JAKMIP2: variants seen among roughly 807,000 people sequenced by gnomAD.
The protein encoded by JAKMIP2 is janus kinase and microtubule-interacting protein 2.
Under a neutral mutation model 115.0 loss-of-function variants are expected in JAKMIP2, and 25 were observed. The observed-to-expected ratio is 0.22, with a 90% CI of 0.16 to 0.30. The LOEUF (loss-of-function observed/expected upper bound fraction) is 0.30. JAKMIP2 is among the 10% of genes least tolerant of loss of function. The pLI, the probability that JAKMIP2 is intolerant of heterozygous loss-of-function variation, is 1.00. For missense variants in JAKMIP2, 642 were observed against 957.6 expected, an observed-to-expected ratio of 0.67 and a Z score of 4.35; for synonymous variants, 334 against 343.6, an observed-to-expected ratio of 0.97 and a Z score of 0.31.
chr5:147,608,317 A>C (rs1461746278), intron 20 of JAKMIP2, among the ~76,000 whole-genome samples: 7 of 152,204 alleles, frequency 4.6e-5, no homozygotes, highest in African/African-American at 1.4e-4. Context: ...ATTTAGTGCT[A>C]TAAATTTCCC....
intron 1 of JAKMIP2, among the ~76,000 whole-genome samples, chr5:147,684,150 T>C (rs1015401716): frequency 1.3e-5 from 2 of 152,126 alleles, no homozygotes; most frequent in African/African-American, 2.4e-5. Context: ...CGTATCCACA[T>C]AGGCCAAATT....
At chr5:147,675,043 C>T (rs182469592) in intron 1 of JAKMIP2, among the ~76,000 whole-genome samples, 1 of 152,288 alleles carries the variant, frequency 6.6e-6, no homozygotes, top group East Asian at 1.9e-4. Flanking sequence ...GAACATTCTT[C>T]TCTCCCATTG....
chr5:147,622,862 A>G (rs1233902469), intron 17 of JAKMIP2, among the ~76,000 whole-genome samples: 12 of 152,120 alleles, frequency 7.9e-5, no homozygotes, highest in Admixed American at 7.9e-4. Context: ...CCAGTTTTAC[A>G]TTCCCATCAA....
At chr5:147,750,222 C>A (rs765419603) in intron 1 of JAKMIP2, among the ~76,000 whole-genome samples, 4 of 152,108 alleles carry the variant, frequency 2.6e-5, no homozygotes, top group African/African-American at 9.7e-5. Flanking sequence ...ATAAAACACT[C>A]ACTTGGGAAA....
intron 2 of JAKMIP2, among the ~76,000 whole-genome samples, chr5:147,668,131 C>T (rs1305954397): frequency 6.6e-6 from 1 of 152,132 alleles, no homozygotes; most frequent in East Asian, 1.9e-4. Flanking sequence ...AAGGGCTGTG[C>T]CAATGGGACA....
chr5:147,603,573 C>A (rs1753432792), intron 20 of JAKMIP2, among the ~76,000 whole-genome samples: 1 of 152,178 alleles, frequency 6.6e-6, no homozygotes, highest in South Asian at 2.1e-4. Flanking sequence ...GTGAGGAGAA[C>A]TGAAGTCCAA....
intron 3 of JAKMIP2, among the ~76,000 whole-genome samples, chr5:147,654,908 C>T (rs113590956): frequency 0.013 from 2,001 of 151,726 alleles, 53 homozygotes; most frequent in African/African-American, 0.046. Flanking sequence ...AATTTTTAAC[C>T]TGAAGGGATG....
chr5:147,588,106 A>G lies in JAKMIP2; in HGVS notation c.*3601T>C, dbSNP rs1754949251. 6.6e-6 allele frequency: 1 copy of G among 152,186 alleles called. No individual in the cohort carries two copies. 9.4% of individuals were successfully genotyped at this position (152,186 alleles called of 1,614,324 possible). On this transcript the variant is annotated 3_prime_UTR_variant, in exon 22 of 22. Coordinates refer to ENST00000616793, the MANE Select transcript of JAKMIP2 (RefSeq NM_001270941.2). ...GGGTGGCATTAAAGAAAAGTTTGAC[A>G]TTCAATTTAGTAATAGATGCTTTTT...
chr5:147,622,705 C>T (rs1756909308), intron 17 of JAKMIP2, among the ~76,000 whole-genome samples: 3 of 152,170 alleles, frequency 2.0e-5, no homozygotes, highest in Admixed American at 2.0e-4. Context: ...AATAATGCTG[C>T]TATGAACATG....
intron 1 of JAKMIP2, among the ~76,000 whole-genome samples, chr5:147,756,141 G>A (rs1268941943): frequency 1.3e-5 from 2 of 152,118 alleles, no homozygotes; most frequent in Non-Finnish European, 2.9e-5. Flanking sequence ...TGACTATAAT[G>A]AATTAAATGG....
intron 14 of JAKMIP2, 93 bp from the exon 15 acceptor site, chr5:147,629,839 G>T: frequency 2.2e-6 from 2 of 928,390 alleles, no homozygotes; most frequent in Non-Finnish European, 1.7e-6. Context: ...ACATTTTAGG[G>T]CCTGAACTTC....
chr5:147,647,286 T>G (rs1394296048), intron 5 of JAKMIP2, among the ~76,000 whole-genome samples: 1 of 152,002 alleles, frequency 6.6e-6, no homozygotes. Flanking sequence ...ATTAGAAAAA[T>G]TTTTGAATGA....
At chr5:147,632,821 C>G (rs765429519) in intron 12 of JAKMIP2, 43 bp from the exon 13 acceptor site, 1 of 1,272,448 alleles carries the variant, frequency 7.9e-7, no homozygotes, top group African/African-American at 1.5e-5. Flanking sequence ...TTGAGAAAAG[C>G]ACCTACAACT....
chr5:147,671,542 T>C, intron 2 of JAKMIP2, 136 bp downstream of exon 2: 1 of 578,766 alleles, frequency 1.7e-6, no homozygotes. Flanking sequence ...GCTCTCCATG[T>C]TTACAGGGGA....
At chr5:147,727,858 T>C (rs1009691512) in intron 1 of JAKMIP2, among the ~76,000 whole-genome samples, 6 of 115,682 alleles carry the variant, frequency 5.2e-5, no homozygotes, top group East Asian at 4.3e-4. Flanking sequence ...GTAGACTTAA[T>C]TGTTTTTCTC....
intron 1 of JAKMIP2, among the ~76,000 whole-genome samples, chr5:147,742,036 A>G (rs1251074691): frequency 1.3e-5 from 2 of 151,296 alleles, no homozygotes; most frequent in African/African-American, 2.4e-5. Context: ...CTAGTGTAAT[A>G]TTATTTATAT....
At chr5:147,743,354 G>T (rs143210771) in intron 1 of JAKMIP2, among the ~76,000 whole-genome samples, 2 of 152,286 alleles carry the variant, frequency 1.3e-5, no homozygotes, top group East Asian at 3.9e-4. Flanking sequence ...GATGGTACTT[G>T]AATAGTAGTA....
In JAKMIP2 at chr5:147,671,900, C is replaced by A; in HGVS notation, c.-94G>T. The A allele has an allele frequency of 1.4e-6, 2 of 1,408,616 alleles. No homozygotes were observed. Among genetic ancestry groups the A allele is most frequent in the Admixed American group, 4.9e-5 (2 of 40,450 alleles). The allele number at this position is 1,408,616 out of a possible 1,614,324, so 87.3% of individuals were successfully genotyped here. ...CTTATCCTGGAGTACGATGTCTCAG[C>A]ATCTACTGTGTGGTGCTCCTTGGTA... On this transcript the variant is annotated 5_prime_UTR_variant, in exon 2 of 22. The change abolishes an upstream ATG in the 5' untranslated region. Transcript: ENST00000616793.
chr5:147,654,451 A>G (rs905081347), intron 3 of JAKMIP2, among the ~76,000 whole-genome samples: 2 of 151,926 alleles, frequency 1.3e-5, no homozygotes, highest in Admixed American at 6.6e-5. Context: ...CTGTATTCCT[A>G]GGTATTTTAT....
Sources: gnomAD v4.1 joint callset for allele counts (sites outside exome capture counted in the v4.1 genomes callset) on GRCh38, gnomAD v4.1.1 for gene constraint, MANE v1.5 for transcripts, NCBI Gene and HGNC (gene_info 2026-07-23, HGNC 2026-07-21) for gene names.